DCHS2: variants seen among roughly 807,000 people sequenced by gnomAD.
DCHS2 encodes the protein dachsous cadherin-related 2.
In DCHS2, 142 loss-of-function variants were observed where a neutral mutation model predicts 182.4. That is an observed-to-expected ratio of 0.78 (90% CI 0.68 to 0.89). The LOEUF (loss-of-function observed/expected upper bound fraction) is 0.89, where lower values mean the gene tolerates loss of function less well. DCHS2 is among the 40% of genes least tolerant of loss of function. The pLI, the probability that DCHS2 is intolerant of heterozygous loss-of-function variation, is 0.00. For synonymous variants in DCHS2, 1,740 were observed against 1,663.3 expected (o/e 1.05, Z -1.12); for missense variants, 4,319 against 4,198.6 (o/e 1.03, Z -0.79).
Position 154,335,038 on chromosome 4 carries a change from G to A in DCHS2, c.2543C>T (p.Ala848Val). The A allele has an allele frequency of 6.2e-7, 1 of 1,614,010 alleles. No homozygotes were observed. Among genetic ancestry groups the A allele is most frequent in the South Asian group, 1.1e-5 (1 of 91,080 alleles). ...ESTTLSLMVS[A>V]QDGGGLTAVI... Reference sequence around the variant, plus strand: ...AGCTGTGAGCCCACCACCGTCTTGAGCAGAGACCATCAACGAAAGTGTGGT... The same window carrying A: ...AGCTGTGAGCCCACCACCGTCTTGAACAGAGACCATCAACGAAAGTGTGGT... The change falls in exon 4 of 20, where the codon GCT becomes GTT. Residue 848 changes from alanine (A) to valine (V), a missense_variant. By Grantham distance (64) the Ala-to-Val change is moderately conservative. Transcript: ENST00000357232.
At chr4:154,376,359 A>G (rs941569306) in intron 2 of DCHS2, among the ~76,000 whole-genome samples, 3 of 152,300 alleles carry the variant, frequency 2.0e-5, no homozygotes, top group African/African-American at 4.8e-5. Context: ...GTATTGAAAT[A>G]CATCAAATTT....
intron 1 of DCHS2, chr4:154,384,605 T>G (rs1731319029): frequency 7.0e-7 from 1 of 1,424,052 alleles, no homozygotes; most frequent in Admixed American, 2.6e-5. Flanking sequence ...AAGTTGAGGA[T>G]TTTGAGAGGA....
At chr4:154,380,127 T>C (rs202196702) in intron 1 of DCHS2, among the ~76,000 whole-genome samples, 33 of 152,332 alleles carry the variant, frequency 2.2e-4, no homozygotes, top group East Asian at 7.7e-4. Context: ...TGAGAACCCC[T>C]GGGCATGATG....
intron 1 of DCHS2, among the ~76,000 whole-genome samples, chr4:154,443,164 A>G (rs1734109520): frequency 6.6e-6 from 1 of 152,046 alleles, no homozygotes; most frequent in Non-Finnish European, 1.5e-5. Flanking sequence ...CCCATGCCCA[A>G]ACCCTTACTT....
chr4:154,386,067 T>C (rs764185539), intron 1 of DCHS2, among the ~76,000 whole-genome samples: 8 of 152,172 alleles, frequency 5.3e-5, no homozygotes, highest in Admixed American at 1.3e-4. Context: ...CACAGTCTGC[T>C]ACCCTCCCGG....
chr4:154,483,434 C>T (rs555505078), intron 1 of DCHS2, among the ~76,000 whole-genome samples: 1 of 152,060 alleles, frequency 6.6e-6, no homozygotes, highest in Non-Finnish European at 1.5e-5. Flanking sequence ...GGATAGGGTT[C>T]CTGGAGAGGA....
chr4:154,320,232 A>G, intron 9 of DCHS2, 147 bp downstream of exon 9: 1 of 1,325,248 alleles, frequency 7.5e-7, no homozygotes, highest in African/African-American at 1.5e-5. Flanking sequence ...CAAGGTAAAT[A>G]ATATCTAGAG....
intron 1 of DCHS2, among the ~76,000 whole-genome samples, chr4:154,390,243 C>T (rs1186544668): frequency 6.8e-6 from 1 of 147,862 alleles, no homozygotes; most frequent in African/African-American, 2.5e-5. Flanking sequence ...TTAGGTATAT[C>T]TCCCAATGCT....
At chr4:154,297,828 GA>G in intron 13 of DCHS2, 22 bp downstream of exon 13, 1 of 1,586,606 alleles carries the variant, frequency 6.3e-7, no homozygotes, top group South Asian at 1.2e-5. Context: ...TACAATATAT[GA>G]AAAACTTGAA....
intron 3 of DCHS2, among the ~76,000 whole-genome samples, chr4:154,353,395 C>T (rs1251774220): frequency 6.6e-6 from 1 of 151,980 alleles, no homozygotes; most frequent in Non-Finnish European, 1.5e-5. Context: ...AAGACAAACA[C>T]ACAAAATACT....
intron 1 of DCHS2, among the ~76,000 whole-genome samples, chr4:154,468,772 C>T (rs10213097): frequency 0.92 from 139,428 of 152,174 alleles, 65,135 homozygotes; most frequent in East Asian, 1. Context: ...CTCCTAGGCA[C>T]AGTAGTAACA....
intron 14 of DCHS2, 35 bp from the exon 15 acceptor site, chr4:154,259,791 G>T (rs1335678436): frequency 7.1e-6 from 11 of 1,556,722 alleles, no homozygotes; most frequent in Non-Finnish European, 9.5e-6. Context: ...AAAAGAAAAT[G>T]ATGTTGTAGT....
chr4:154,322,612 C>A (rs1409360279), intron 7 of DCHS2, 124 bp from the exon 8 acceptor site: 17 of 1,238,918 alleles, frequency 1.4e-5, no homozygotes, highest in South Asian at 2.0e-5. Flanking sequence ...AGAGTATGAA[C>A]ACAAAAATGA....
At chr4:154,324,699 G>C (rs1188339513) in intron 7 of DCHS2, among the ~76,000 whole-genome samples, 1 of 152,002 alleles carries the variant, frequency 6.6e-6, no homozygotes, top group Non-Finnish European at 1.5e-5. Flanking sequence ...CATTACTATG[G>C]ACCAAATACC....
intron 1 of DCHS2, among the ~76,000 whole-genome samples, chr4:154,454,706 C>T (rs1734693745): frequency 6.6e-6 from 1 of 152,078 alleles, no homozygotes; most frequent in African/African-American, 2.4e-5. Flanking sequence ...AGGCTATAAA[C>T]GAGGCTCCCC....
chr4:154,314,579 G>T (rs1054182201), intron 10 of DCHS2, among the ~76,000 whole-genome samples: 1 of 151,884 alleles, frequency 6.6e-6, no homozygotes, highest in African/African-American at 2.4e-5. Context: ...TTTCCAAGAG[G>T]GCAAAGTATT....
chr4:154,251,110 A>T (rs1272535412), intron 16 of DCHS2, among the ~76,000 whole-genome samples: 1 of 152,208 alleles, frequency 6.6e-6, no homozygotes, highest in African/African-American at 2.4e-5. Flanking sequence ...TGAAAAAGAT[A>T]ATTAACATCT....
At chr4:154,454,897 A>C (rs1734701892) in intron 1 of DCHS2, among the ~76,000 whole-genome samples, 1 of 152,232 alleles carries the variant, frequency 6.6e-6, no homozygotes, top group African/African-American at 2.4e-5. Context: ...CTGATTTGAA[A>C]AGTGAAATAC....
intron 16 of DCHS2, among the ~76,000 whole-genome samples, chr4:154,253,181 G>A (rs1264758067): frequency 6.7e-6 from 1 of 150,178 alleles, no homozygotes; most frequent in Non-Finnish European, 1.5e-5. Flanking sequence ...GAGAGAGAGA[G>A]AGAGAGAGAG....
Sources: gnomAD v4.1 joint callset for allele counts (sites outside exome capture counted in the v4.1 genomes callset) on GRCh38, gnomAD v4.1.1 for gene constraint, MANE v1.5 for transcripts, NCBI Gene and HGNC (gene_info 2026-07-23, HGNC 2026-07-21) for gene names.